TRPC7: variants seen among roughly 807,000 people sequenced by gnomAD.
TRPC7 encodes transient receptor potential cation channel subfamily C member 7, also known as short transient receptor potential channel 7.
TRPC7 carries 42 observed loss-of-function variants against 90.1 expected under a neutral mutation model. That is an observed-to-expected ratio of 0.47 (90% CI 0.36 to 0.60). TRPC7 has a LOEUF of 0.60. TRPC7 is among the 20% of genes least tolerant of loss of function. TRPC7 has a pLI of 0.00. For synonymous variants in TRPC7, 451 were observed against 436.3 expected (o/e 1.03, Z -0.42); for missense variants, 955 against 1,112.3 (o/e 0.86, Z 2.01).
At chr5:136,231,130 T>G (rs1033373771) in intron 8 of TRPC7, among the ~76,000 whole-genome samples, 3 of 152,212 alleles carry the variant, frequency 2.0e-5, no homozygotes, top group Non-Finnish European at 2.9e-5. Context: ...ACCCCAGTTC[T>G]TTCTGCTCTC....
At chr5:136,271,436 G>A (rs915703870) in intron 4 of TRPC7, among the ~76,000 whole-genome samples, 1 of 152,162 alleles carries the variant, frequency 6.6e-6, no homozygotes, top group Admixed American at 6.5e-5. Context: ...GAAGATGACT[G>A]TTATTTATTC....
At chr5:136,266,116 T>G (rs955767122) in intron 5 of TRPC7, 104 bp downstream of exon 5, 3 of 1,033,468 alleles carry the variant, frequency 2.9e-6, no homozygotes, top group Non-Finnish European at 4.5e-6. Flanking sequence ...ATTTTGTCTA[T>G]CAGGAGTACA....
intron 3 of TRPC7, among the ~76,000 whole-genome samples, chr5:136,291,707 C>T (rs1007060772): frequency 6.6e-6 from 1 of 152,068 alleles, no homozygotes. Context: ...ACTTTAACAC[C>T]CCACTGTCAA....
intron 2 of TRPC7, among the ~76,000 whole-genome samples, chr5:136,347,378 G>A (rs1360569504): frequency 1.3e-5 from 2 of 152,150 alleles, no homozygotes; most frequent in East Asian, 1.9e-4. Context: ...TCCCATGAAG[G>A]CAAGGAAAAG....
chr5:136,365,420 G>C lies in TRPC7; in HGVS notation c.-166C>G. On this transcript the variant is annotated 5_prime_UTR_variant, in exon 1 of 12. Coordinates refer to ENST00000513104, the MANE Select transcript of TRPC7 (RefSeq NM_020389.3). ...TTAAGTTGCAACGATGTGAAAGCGC[G>C]CTCCTCTGTTCTTTGTGTTGCAGTG... 1 of 700,840 alleles carries C rather than the reference G, an allele frequency of 1.4e-6. No homozygotes were observed. Among genetic ancestry groups the C allele is most frequent in the Non-Finnish European group, 2.5e-6 (1 of 407,972 alleles). 43.4% of individuals were successfully genotyped at this position (700,840 alleles called of 1,614,324 possible).
At chr5:136,215,364 C>T (rs1461259628) in intron 11 of TRPC7, among the ~76,000 whole-genome samples, 18 of 152,152 alleles carry the variant, frequency 1.2e-4, no homozygotes, top group Admixed American at 1.2e-3. Flanking sequence ...CCAAGATGTC[C>T]CCGTCCTGAT....
At chr5:136,291,597 C>G (rs993117346) in intron 3 of TRPC7, among the ~76,000 whole-genome samples, 24 of 152,278 alleles carry the variant, frequency 1.6e-4, no homozygotes, top group African/African-American at 5.8e-4. Context: ...ACTAACTACC[C>G]TAAATATATA....
chr5:136,320,622 T>C (rs373389209), intron 2 of TRPC7, among the ~76,000 whole-genome samples: 41 of 152,288 alleles, frequency 2.7e-4, no homozygotes, highest in African/African-American at 9.1e-4. Context: ...ACCCACTACC[T>C]ACACTATCCT....
At chr5:136,232,807 T>G (rs891103089) in intron 7 of TRPC7, among the ~76,000 whole-genome samples, 2 of 152,230 alleles carry the variant, frequency 1.3e-5, no homozygotes, top group Non-Finnish European at 2.9e-5. Context: ...ATCTGAATGG[T>G]TAAGTGCAGT....
At chr5:136,360,634 T>C (rs1446521194) in intron 1 of TRPC7, among the ~76,000 whole-genome samples, 1 of 152,202 alleles carries the variant, frequency 6.6e-6, no homozygotes, top group Non-Finnish European at 1.5e-5. Flanking sequence ...GAAAAACATT[T>C]GGATGCTCAC....
intron 3 of TRPC7, among the ~76,000 whole-genome samples, chr5:136,305,762 T>C (rs1489241048): frequency 6.6e-6 from 1 of 152,200 alleles, no homozygotes; most frequent in Admixed American, 6.5e-5. Flanking sequence ...TTCAGGCTCT[T>C]AGTATTCCGT....
intron 3 of TRPC7, among the ~76,000 whole-genome samples, chr5:136,312,452 A>G (rs1183126538): frequency 6.6e-6 from 1 of 152,106 alleles, no homozygotes; most frequent in Non-Finnish European, 1.5e-5. Flanking sequence ...TTTCTAGAGC[A>G]TTTCCTCTCA....
At chr5:136,341,391 G>A (rs1477747016) in intron 2 of TRPC7, among the ~76,000 whole-genome samples, 1 of 151,552 alleles carries the variant, frequency 6.6e-6, no homozygotes, top group Non-Finnish European at 1.5e-5. Context: ...TGAATGTGGG[G>A]TATATTTTAA....
chr5:136,308,587 C>T (rs1423742747), intron 3 of TRPC7, among the ~76,000 whole-genome samples: 1 of 152,210 alleles, frequency 6.6e-6, no homozygotes, highest in Non-Finnish European at 1.5e-5. Flanking sequence ...ACTGGCCCTG[C>T]CTGTGCTTTG....
intron 7 of TRPC7, among the ~76,000 whole-genome samples, chr5:136,244,668 A>T (rs1389127366): frequency 1.3e-5 from 2 of 152,252 alleles, no homozygotes. Context: ...ATCGGCTGAC[A>T]TCCTCTCCAT....
At chr5:136,251,538 C>T (rs1378939971) in intron 6 of TRPC7, 111 bp downstream of exon 6, 1 of 887,848 alleles carries the variant, frequency 1.1e-6, no homozygotes, top group Non-Finnish European at 1.7e-6. Context: ...TGTTACAAAT[C>T]ATGGGCCACT....
At chr5:136,309,972 G>A (rs751782911) in intron 3 of TRPC7, among the ~76,000 whole-genome samples, 1 of 151,912 alleles carries the variant, frequency 6.6e-6, no homozygotes. Context: ...CCTGATTAAG[G>A]TCCTTCAATG....
At chr5:136,274,630 G>A (rs749764770) in intron 4 of TRPC7, 43 bp downstream of exon 4, 12 of 1,535,646 alleles carry the variant, frequency 7.8e-6, no homozygotes, top group East Asian at 4.7e-5. Context: ...TAAGAAGAGA[G>A]AAGAAATAAC....
At chr5:136,260,999 T>G (rs1030763282) in intron 5 of TRPC7, among the ~76,000 whole-genome samples, 1 of 152,198 alleles carries the variant, frequency 6.6e-6, no homozygotes, top group Non-Finnish European at 1.5e-5. Context: ...TGTGCTATTT[T>G]GTTTCTAGCT....
Sources: gnomAD v4.1 joint callset for allele counts (sites outside exome capture counted in the v4.1 genomes callset) on GRCh38, gnomAD v4.1.1 for gene constraint, MANE v1.5 for transcripts, NCBI Gene and HGNC (gene_info 2026-07-23, HGNC 2026-07-21) for gene names.